Variants in NEURL3 observed in about 807,000 individuals in gnomAD.
NEURL3 encodes neuralized E3 ubiquitin protein ligase 3.
NEURL3 carries 19 observed loss-of-function variants against 17.6 expected under a neutral mutation model. The observed-to-expected ratio is 1.08, with a 90% CI of 0.75 to 1.58. NEURL3 has a LOEUF of 1.58. NEURL3 is among the 40% of genes most tolerant of loss of function. The pLI, the probability that NEURL3 is intolerant of heterozygous loss-of-function variation, is 0.00. For synonymous variants in NEURL3, 180 were observed against 161.4 expected (o/e 1.11, Z -0.87); for missense variants, 342 against 379.6 (o/e 0.90, Z 0.82).
chr2:96,505,495 C>CT (rs1188557216), upstream of NEURL3: 1 of 607,438 alleles, frequency 1.6e-6, no homozygotes, highest in African/African-American at 1.8e-5. Flanking sequence ...GACTGACCTG[C>CT]TGGAGCTGGC....
chr2:96,502,812 C>T (rs1341559554), intron 1 of NEURL3, among the ~76,000 whole-genome samples: 1 of 152,242 alleles, frequency 6.6e-6, no homozygotes, highest in Non-Finnish European at 1.5e-5. Flanking sequence ...AATCCTGCTG[C>T]CATCCTAAGA....
At chr2:96,506,611 C>A (rs1311033769), upstream of NEURL3, among the ~76,000 whole-genome samples, 1 of 152,272 alleles carries the variant, frequency 6.6e-6, no homozygotes, top group Non-Finnish European at 1.5e-5. Flanking sequence ...AGATCAAGGC[C>A]ACAATCAGTG....
chr2:96,499,284 A>T, intron 3 of NEURL3, 94 bp downstream of exon 3: 1 of 1,541,834 alleles, frequency 6.5e-7, no homozygotes, highest in Non-Finnish European at 8.7e-7. Context: ...CCTGTGAGAG[A>T]CTTGAATGAA....
upstream of NEURL3, chr2:96,507,961 C>A (rs1411352195): frequency 6.6e-6 from 1 of 152,332 alleles, no homozygotes; most frequent in East Asian, 1.9e-4. Flanking sequence ...AGACCGTCTG[C>A]CTTGCGCCCC....
At chr2:96,499,323 C>G (rs1321698060) in intron 3 of NEURL3, 55 bp downstream of exon 3, 18 of 1,590,168 alleles carry the variant, frequency 1.1e-5, no homozygotes, top group Non-Finnish European at 1.4e-5. Context: ...GCTTCTCCCT[C>G]CACTCCCAGG....
Sources: gnomAD v4.1 joint callset for allele counts (sites outside exome capture counted in the v4.1 genomes callset) on GRCh38, gnomAD v4.1.1 for gene constraint, MANE v1.5 for transcripts, NCBI Gene and HGNC (gene_info 2026-07-23, HGNC 2026-07-21) for gene names.